NCKAP1L: variants seen among roughly 807,000 people sequenced by gnomAD.
NCKAP1L encodes nck-associated protein 1-like.
In NCKAP1L, 53 loss-of-function variants were observed where a neutral mutation model predicts 139.2. That is an observed-to-expected ratio of 0.38 (90% CI 0.31 to 0.48). The LOEUF is 0.48. Among genes scored for constraint, NCKAP1L ranks in the 20% least tolerant of loss-of-function variants. NCKAP1L has a pLI of 0.98. For missense variants in NCKAP1L, 1,151 were observed against 1,381.9 expected (o/e 0.83, Z 2.65); for synonymous variants, 468 against 499.7 (o/e 0.94, Z 0.85).
Position 54,523,974 on chromosome 12 carries a change from T to C in NCKAP1L, c.2156+18T>C, listed in dbSNP as rs749736498. 1.2e-6 allele frequency: 2 copies of C among 1,611,080 alleles called. No individual in the cohort carries two copies. The highest frequency in any genetic ancestry group is 1.7e-6 in the Non-Finnish European group (2 of 1,178,636). ...CTCAACAGGTATCACTCTTTCCTTG[T>C]CCTCTGTTTGGACAGTAGTCTTCAT... On this transcript the variant is annotated intron_variant, in intron 20 of 30. Transcript: ENST00000293373.
intron 2 of NCKAP1L, 25 bp from the exon 3 acceptor site, chr12:54,500,507 AT>A: frequency 6.6e-7 from 1 of 1,514,938 alleles, no homozygotes; most frequent in South Asian, 1.1e-5. Context: ...GCACTTTTTT[AT>A]TGTTTTGTTT....
At chr12:54,511,364 G>C (rs1273526886) in intron 7 of NCKAP1L, among the ~76,000 whole-genome samples, 1 of 152,144 alleles carries the variant, frequency 6.6e-6, no homozygotes, top group Non-Finnish European at 1.5e-5. Context: ...CCTGCTGTTG[G>C]TTTATCAATG....
chr12:54,499,161 T>A (rs1198427822), intron 1 of NCKAP1L, among the ~76,000 whole-genome samples, 194 bp from the exon 2 acceptor site: 1 of 152,102 alleles, frequency 6.6e-6, no homozygotes, highest in Non-Finnish European at 1.5e-5. Flanking sequence ...TCTGACCTTG[T>A]GATCTGCCTG....
At chr12:54,508,778 T>G (rs1194469164) in intron 5 of NCKAP1L, among the ~76,000 whole-genome samples, 1 of 152,202 alleles carries the variant, frequency 6.6e-6, no homozygotes, top group Non-Finnish European at 1.5e-5. Flanking sequence ...AATGTAGTGT[T>G]CATGGGATGT....
chr12:54,532,618 G>A (rs968435669), intron 26 of NCKAP1L, among the ~76,000 whole-genome samples: 3 of 152,122 alleles, frequency 2.0e-5, no homozygotes, highest in African/African-American at 7.2e-5. Flanking sequence ...CTGTTTATAG[G>A]AAGATTTGTT....
intron 26 of NCKAP1L, among the ~76,000 whole-genome samples, chr12:54,533,204 T>C (rs1957086739): frequency 6.6e-6 from 1 of 152,122 alleles, no homozygotes; most frequent in South Asian, 2.1e-4. Context: ...CTGATGTTGG[T>C]CCAAATGCTC....
intron 15 of NCKAP1L, 44 bp from the exon 16 acceptor site, chr12:54,519,143 C>G: frequency 6.4e-7 from 1 of 1,555,052 alleles, no homozygotes; most frequent in Non-Finnish European, 8.7e-7. Context: ...GGGCCTTTTT[C>G]ATTCATCTTA....
chr12:54,506,799 AT>A (rs1956844264), intron 3 of NCKAP1L, among the ~76,000 whole-genome samples: 12 of 92,518 alleles, frequency 1.3e-4, no homozygotes, highest in Middle Eastern at 5.9e-3. Flanking sequence ...AAAAAAAAAT[AT>A]ATATATATAT....
chr12:54,526,097 T>G (rs1481679571), intron 20 of NCKAP1L, among the ~76,000 whole-genome samples: 3 of 152,208 alleles, frequency 2.0e-5, no homozygotes, highest in Non-Finnish European at 4.4e-5. Context: ...TTTCTGGCAG[T>G]GATCGGAACT....
Position 54,520,747 on chromosome 12 carries a change from C to A in NCKAP1L, c.1679C>A (p.Ala560Asp). The change falls in exon 17 of 31, where the codon GCC (alanine) becomes GAC (aspartate). Residue 560 changes from alanine to aspartate, a missense_variant. Ala to Asp is a moderately radical substitution (Grantham distance 126, BLOSUM62 -2). Coordinates refer to ENST00000293373, the MANE Select transcript of NCKAP1L (RefSeq NM_005337.5). ...KMFAMTLEES[A>D]MLRYAIAFPL... ...TTTGCCATGACCTTGGAGGAATCTG[C>A]CATGTTGCGTTATGCCATTGCTTTC... 1 of 1,614,024 alleles carries A rather than the reference C, an allele frequency of 6.2e-7. No homozygotes were observed. The highest frequency in any genetic ancestry group is 8.5e-7 in the Non-Finnish European group (1 of 1,179,950).
chr12:54,540,282 A>G (rs1305309519), intron 30 of NCKAP1L, among the ~76,000 whole-genome samples: 1 of 152,144 alleles, frequency 6.6e-6, no homozygotes, highest in African/African-American at 2.4e-5. Context: ...ACAGGCACTG[A>G]GTGATATTTA....
chr12:54,504,008 A>G (rs1956822790), intron 3 of NCKAP1L, among the ~76,000 whole-genome samples: 1 of 152,200 alleles, frequency 6.6e-6, no homozygotes, highest in African/African-American at 2.4e-5. Flanking sequence ...GTAAAAGCAA[A>G]TTGCAGTAAG....
rs907744140 is a variant in NCKAP1L, at chr12:54,511,817, T to C, written c.750T>C (p.Tyr250=). 4 of 1,614,126 alleles carry C rather than the reference T, an allele frequency of 2.5e-6. No homozygotes were observed. The Admixed American group carries it at 6.7e-5, about 27-fold the overall frequency. Residue 250 remains tyrosine (Y), a synonymous_variant, in exon 8 of 31, where the codon TAT becomes TAC. Coordinates refer to ENST00000293373, the MANE Select transcript of NCKAP1L (RefSeq NM_005337.5). The part of the protein sequence containing the change: ...PANSDTMACE[Y]LSVEVMERWI... ...TCTTCTCACAGATGGCCTGTGAGTA[T>C]CTGTCTGTGGAAGTAATGGAGCGCT...
At chr12:54,524,847 T>A (rs2120938528) in intron 20 of NCKAP1L, among the ~76,000 whole-genome samples, 1 of 152,172 alleles carries the variant, frequency 6.6e-6, no homozygotes, top group Non-Finnish European at 1.5e-5. Flanking sequence ...GTGCTGGTGG[T>A]GGCAGAAGTA....
chr12:54,514,009 CAT>C (rs1956910204), intron 9 of NCKAP1L, among the ~76,000 whole-genome samples: 1 of 145,048 alleles, frequency 6.9e-6, no homozygotes, highest in Non-Finnish European at 1.5e-5. Flanking sequence ...TGTATAAACA[CAT>C]AAAGATGGCA....
In NCKAP1L at chr12:54,501,408, G is replaced by A. The variant is rs534477318; in HGVS notation, c.306+783G>A. Among the ~76,000 whole-genome samples the A allele has an allele frequency of 3.3e-5, 5 of 152,254 alleles. No homozygotes were observed. In the South Asian group the frequency reaches 1.0e-3, roughly 32 times the overall value. On this transcript the variant is annotated intron_variant, in intron 3 of 30. Coordinates refer to ENST00000293373, the MANE Select transcript of NCKAP1L (RefSeq NM_005337.5). ...TAGCTATTGTAAATGATGCTGCTATGAACGTGGGTGTACAAATATATCTTC... is the reference window on the plus strand; with the variant it reads ...TAGCTATTGTAAATGATGCTGCTATAAACGTGGGTGTACAAATATATCTTC...
intron 30 of NCKAP1L, 23 bp downstream of exon 30, chr12:54,538,996 TG>T (rs754296789): frequency 1.2e-6 from 2 of 1,605,180 alleles, no homozygotes; most frequent in Non-Finnish European, 1.7e-6. Context: ...TTTAAATTGG[TG>T]TGAGAATAGG....
intron 3 of NCKAP1L, among the ~76,000 whole-genome samples, chr12:54,504,930 G>A (rs79062145): frequency 0.011 from 1,705 of 152,326 alleles, 31 homozygotes; most frequent in African/African-American, 0.038. Flanking sequence ...GGTTGTGTGA[G>A]TGGCTGAAAG....
At chr12:54,518,562 A>C (rs911697341) in intron 13 of NCKAP1L, 89 bp from the exon 14 acceptor site, 1 of 1,001,874 alleles carries the variant, frequency 1.0e-6, no homozygotes, top group Non-Finnish European at 1.6e-6. Context: ...AATTCTTTCT[A>C]CCTTCATACG....
Sources: allele counts gnomAD v4.1 joint callset (sites outside exome capture counted in the v4.1 genomes callset), GRCh38; gene constraint gnomAD v4.1.1; transcripts MANE v1.5; gene names NCBI Gene and HGNC (gene_info 2026-07-23, HGNC 2026-07-21).